Variants in EPM2A observed in about 807,000 individuals in gnomAD.
EPM2A encodes the protein laforin.
EPM2A carries 21 observed loss-of-function variants against 26.5 expected under a neutral mutation model. The ratio of observed to expected loss-of-function variants is 0.79; its 90% CI spans 0.56 to 1.14. The LOEUF (loss-of-function observed/expected upper bound fraction) is 1.14. Among genes scored for constraint, EPM2A ranks in the 50% most tolerant of loss-of-function variants. The pLI is 0.00. For missense variants in EPM2A, 458 were observed against 440.8 expected (o/e 1.04, Z -0.35); for synonymous variants, 217 against 177.6 (o/e 1.22, Z -1.76).
intron 2 of EPM2A, chr6:145,670,896 T>TA (rs1779590210): frequency 1.0e-6 from 1 of 985,120 alleles, no homozygotes; most frequent in Admixed American, 6.2e-5. Flanking sequence ...TAATACTCAA[T>TA]AAAAATCATT....
chr6:145,575,901 T>A (rs1272244083), intron 2 of EPM2A, among the ~76,000 whole-genome samples: 1 of 152,204 alleles, frequency 6.6e-6, no homozygotes, highest in Non-Finnish European at 1.5e-5. Context: ...TCTATAGTAG[T>A]CAGTGTCCTC....
intron 2 of EPM2A, among the ~76,000 whole-genome samples, chr6:145,523,644 C>G (rs1304697045): frequency 6.6e-6 from 1 of 152,124 alleles, no homozygotes; most frequent in Non-Finnish European, 1.5e-5. Context: ...TCTCTCAACT[C>G]CCTCCCTCTT....
At chr6:145,624,210 A>G (rs1775697836), downstream of EPM2A, among the ~76,000 whole-genome samples, 1 of 152,080 alleles carries the variant, frequency 6.6e-6, no homozygotes, top group South Asian at 2.1e-4. Flanking sequence ...TCCTACTGCG[A>G]TCTAGTCCCA....
intron 4 of EPM2A, among the ~76,000 whole-genome samples, chr6:145,402,095 C>T (rs994798859): frequency 1.3e-5 from 2 of 151,964 alleles, no homozygotes; most frequent in African/African-American, 4.8e-5. Context: ...TCTGAAATTA[C>T]CTCTCCCAAA....
chr6:145,411,712 A>G (rs1429993450), intron 4 of EPM2A, among the ~76,000 whole-genome samples: 1 of 152,224 alleles, frequency 6.6e-6, no homozygotes, highest in Non-Finnish European at 1.5e-5. Context: ...CAACCCACAC[A>G]TGCCAAGCAT....
intron 4 of EPM2A, among the ~76,000 whole-genome samples, chr6:145,495,359 T>A (rs1327775982): frequency 6.6e-6 from 1 of 152,000 alleles, no homozygotes; most frequent in Non-Finnish European, 1.5e-5. Flanking sequence ...TCCTTCATCC[T>A]TTTATTTTAA....
At chr6:145,693,067 T>C (rs1286145045) in intron 1 of EPM2A, among the ~76,000 whole-genome samples, 1 of 152,080 alleles carries the variant, frequency 6.6e-6, no homozygotes, top group African/African-American at 2.4e-5. Context: ...TTTCTATGTG[T>C]TTGTGTCATC....
At chr6:145,456,670 A>G (rs1291217138) in intron 4 of EPM2A, among the ~76,000 whole-genome samples, 2 of 152,184 alleles carry the variant, frequency 1.3e-5, no homozygotes, top group African/African-American at 2.4e-5. Flanking sequence ...AATTAAGAGG[A>G]ATTGGAGGTA....
chr6:145,635,131 ATATT>A (rs751082267), intron 3 of EPM2A, 110 bp downstream of exon 3: 1,018 of 1,219,638 alleles, frequency 8.3e-4, no homozygotes, highest in Non-Finnish European at 1.1e-3. Context: ...CTAAAATCTT[ATATT>A]TATTCCATTT....
downstream of EPM2A, among the ~76,000 whole-genome samples, chr6:145,498,110 T>G (rs1482984661): frequency 6.6e-6 from 1 of 152,108 alleles, no homozygotes; most frequent in Non-Finnish European, 1.5e-5. Context: ...GGGGGATCCC[T>G]TCTCTCCCCA....
At chr6:145,562,127 G>A (rs1037855025) in intron 2 of EPM2A, among the ~76,000 whole-genome samples, 48 of 140,260 alleles carry the variant, frequency 3.4e-4, no homozygotes, top group African/African-American at 1.1e-3. Context: ...ATTACAAAAA[G>A]GAAAAAAAAA....
At chr6:145,406,027 A>G (rs1486129127) in intron 4 of EPM2A, among the ~76,000 whole-genome samples, 1 of 151,778 alleles carries the variant, frequency 6.6e-6, no homozygotes, top group African/African-American at 2.4e-5. Flanking sequence ...AGACAGACAC[A>G]CACACACACA....
chr6:145,714,423 A>T (rs1407946777), intron 1 of EPM2A, among the ~76,000 whole-genome samples: 1 of 152,218 alleles, frequency 6.6e-6, no homozygotes, highest in Admixed American at 6.6e-5. Context: ...ATAAGGGTGG[A>T]GTTTCTATGG....
intron 4 of EPM2A, among the ~76,000 whole-genome samples, chr6:145,446,550 G>A (rs1779131020): frequency 6.6e-6 from 1 of 152,058 alleles, no homozygotes; most frequent in Non-Finnish European, 1.5e-5. Context: ...GGATTTCCTT[G>A]ATCCAGCTGA....
intron 2 of EPM2A, among the ~76,000 whole-genome samples, chr6:145,673,639 G>A (rs184568152): frequency 9.9e-4 from 151 of 152,264 alleles, no homozygotes; most frequent in East Asian, 3.7e-3. Flanking sequence ...TGCCTAGCTC[G>A]GCGGGTCCCA....
chr6:145,603,532 T>C (rs1484940008), intron 2 of EPM2A, among the ~76,000 whole-genome samples: 1 of 152,234 alleles, frequency 6.6e-6, no homozygotes, highest in African/African-American at 2.4e-5. Flanking sequence ...TTTTAGTTAC[T>C]GGTACTTATC....
chr6:145,555,830 C>G (rs1022611895), intron 2 of EPM2A, among the ~76,000 whole-genome samples: 12 of 152,122 alleles, frequency 7.9e-5, no homozygotes, highest in East Asian at 1.9e-4. Context: ...ACACTCCCCC[C>G]ACCTTCTGAT....
chr6:145,404,416 G>GT (rs1383122339), intron 4 of EPM2A, among the ~76,000 whole-genome samples: 1 of 151,220 alleles, frequency 6.6e-6, no homozygotes, highest in Non-Finnish European at 1.5e-5. Context: ...TATGTAAATT[G>GT]TTTTTTTAAA....
chr6:145,550,554 C>T (rs941265348), intron 2 of EPM2A, among the ~76,000 whole-genome samples: 4 of 151,914 alleles, frequency 2.6e-5, no homozygotes, highest in Admixed American at 2.6e-4. Flanking sequence ...TTTCAACCTC[C>T]AAATCAAGAA....
Sources: gnomAD v4.1 joint callset for allele counts (sites outside exome capture counted in the v4.1 genomes callset) on GRCh38, gnomAD v4.1.1 for gene constraint, MANE v1.5 for transcripts, NCBI Gene and HGNC (gene_info 2026-07-23, HGNC 2026-07-21) for gene names.